GALNT9: variants seen among roughly 807,000 people sequenced by gnomAD.
GALNT9 encodes the protein polypeptide N-acetylgalactosaminyltransferase 9, also known as GalNAc transferase 9.
A neutral mutation model predicts 63.1 loss-of-function variants in GALNT9; 47 were observed. The observed-to-expected ratio is 0.75, with a 90% CI of 0.59 to 0.95. The LOEUF is 0.95. Ranked by LOEUF, GALNT9 falls within the 40% of genes least tolerant of loss-of-function variation. The pLI is 0.00. For missense variants in GALNT9, 829 were observed against 874.8 expected (o/e 0.95, Z 0.66); for synonymous variants, 396 against 365.7 (o/e 1.08, Z -0.94).
At chr12:132,326,067 C>T (rs1555246504) in intron 1 of GALNT9, among the ~76,000 whole-genome samples, 1 of 152,260 alleles carries the variant, frequency 6.6e-6, no homozygotes. Context: ...CTGCAAGCGC[C>T]TAGAGAAAGT....
At chr12:132,264,337 G>C (rs2135546418) in intron 2 of GALNT9, among the ~76,000 whole-genome samples, 1 of 152,356 alleles carries the variant, frequency 6.6e-6, no homozygotes, top group Middle Eastern at 3.4e-3. Context: ...TGCATCCTCT[G>C]CTCTCCGCTC....
intron 1 of GALNT9, among the ~76,000 whole-genome samples, chr12:132,293,597 A>T (rs1450774513): frequency 1.3e-5 from 2 of 152,248 alleles, no homozygotes; most frequent in Admixed American, 6.5e-5. Flanking sequence ...CAAAGCACAA[A>T]AAGCACAAAA....
intron 5 of GALNT9, among the ~76,000 whole-genome samples, chr12:132,249,443 C>G (rs925825738): frequency 6.6e-6 from 1 of 152,204 alleles, no homozygotes; most frequent in Admixed American, 6.5e-5. Flanking sequence ...ATAGCAGGAG[C>G]ATTAAAAAGC....
chr12:132,220,323 T>C (rs1363150936), intron 6 of GALNT9, among the ~76,000 whole-genome samples: 1 of 152,070 alleles, frequency 6.6e-6, no homozygotes, highest in Non-Finnish European at 1.5e-5. Flanking sequence ...TCCAACAAAA[T>C]TGGTGAATTT....
intron 5 of GALNT9, among the ~76,000 whole-genome samples, chr12:132,248,302 G>T (rs1480167173): frequency 6.6e-6 from 1 of 152,206 alleles, no homozygotes; most frequent in Non-Finnish European, 1.5e-5. Flanking sequence ...TCAGCTTAGT[G>T]TAGGAGGTTT....
chr12:132,218,093 AC>A (rs1234833780), intron 6 of GALNT9, among the ~76,000 whole-genome samples: 1 of 150,174 alleles, frequency 6.7e-6, no homozygotes, highest in African/African-American at 2.5e-5. Context: ...CCATCAATCT[AC>A]CCACTCATTT....
chr12:132,285,185 G>A (rs1290973952), intron 2 of GALNT9, among the ~76,000 whole-genome samples: 3 of 152,244 alleles, frequency 2.0e-5, no homozygotes, highest in African/African-American at 7.2e-5. Flanking sequence ...GCTCCAGGAG[G>A]AGGCAAGTGT....
intron 2 of GALNT9, chr12:132,278,109 G>A (rs1555241381): frequency 6.6e-6 from 1 of 151,810 alleles, no homozygotes; most frequent in Admixed American, 6.6e-5. Flanking sequence ...GGGGACAGTA[G>A]GCAGGGGCCA....
At chr12:132,229,588 G>C (rs965807731) in intron 6 of GALNT9, among the ~76,000 whole-genome samples, 20 of 152,300 alleles carry the variant, frequency 1.3e-4, no homozygotes, top group African/African-American at 4.6e-4. Flanking sequence ...ATGAGCACGC[G>C]TGACGGGGAT....
chr12:132,268,633 C>T (rs973713145), intron 2 of GALNT9, among the ~76,000 whole-genome samples: 3 of 152,234 alleles, frequency 2.0e-5, no homozygotes, highest in Non-Finnish European at 4.4e-5. Flanking sequence ...GGAGAAAATA[C>T]TTTCAAAGCA....
At chr12:132,299,158 C>T (rs549177805) in intron 1 of GALNT9, among the ~76,000 whole-genome samples, 1 of 91,294 alleles carries the variant, frequency 1.1e-5, no homozygotes, top group South Asian at 3.5e-4. Context: ...CCACCCCCAA[C>T]ACACCTAACC....
chr12:132,261,873 G>A (rs1879401372), intron 3 of GALNT9, among the ~76,000 whole-genome samples: 1 of 151,896 alleles, frequency 6.6e-6, no homozygotes, highest in African/African-American at 2.4e-5. Flanking sequence ...TACAGGGTGT[G>A]AGTAGCACTG....
rs782356241 is a variant in GALNT9, at chr12:132,319,660, C to A, written c.238+9306G>T. On this transcript the variant is annotated intron_variant, in intron 1 of 10. Coordinates refer to ENST00000328957, the MANE Select transcript of GALNT9 (RefSeq NM_001122636.2). The surrounding 1 kb of genome is among the most constrained non-coding windows in gnomAD (Gnocchi z 5.2). Reference sequence around the variant, plus strand: ...CTAGCTGAGTTTGCTTTTCAACAGGCCTTTCCGTCTGGGGCAGGTCAACAC... The same window carrying A: ...CTAGCTGAGTTTGCTTTTCAACAGGACTTTCCGTCTGGGGCAGGTCAACAC... Among the ~76,000 whole-genome samples, 2 of 152,046 alleles carry A rather than the reference C, an allele frequency of 1.3e-5. No individual in the cohort carries two copies. The highest frequency in any genetic ancestry group is 4.1e-4 in the South Asian group (2 of 4,822).
intron 1 of GALNT9, among the ~76,000 whole-genome samples, chr12:132,321,950 C>A (rs1425336163): frequency 2.0e-5 from 3 of 151,396 alleles, no homozygotes; most frequent in Non-Finnish European, 3.0e-5. Flanking sequence ...CCGCCTCGGC[C>A]CCCTGCACCA....
At chr12:132,262,681 G>A (rs549536620) in intron 2 of GALNT9, 56 bp from the exon 3 acceptor site, 39 of 1,445,992 alleles carry the variant, frequency 2.7e-5, no homozygotes, top group Non-Finnish European at 3.5e-5. Context: ...GACCCCGGAA[G>A]CCATAGCTCA....
intron 9 of GALNT9, among the ~76,000 whole-genome samples, chr12:132,198,456 C>CTGTGCT (rs1291554066): frequency 7.3e-6 from 1 of 137,412 alleles, no homozygotes; most frequent in Non-Finnish European, 1.6e-5. Context: ...GGGCCTGGGC[C>CTGTGCT]TGTGCTGCAG....
At chr12:132,270,507 C>T (rs547202206) in intron 2 of GALNT9, among the ~76,000 whole-genome samples, 2 of 152,360 alleles carry the variant, frequency 1.3e-5, no homozygotes, top group South Asian at 2.1e-4. Context: ...GCTGGCTTCA[C>T]GCGTTAGCTC....
intron 1 of GALNT9, among the ~76,000 whole-genome samples, chr12:132,308,178 T>C (rs901368167): frequency 6.6e-6 from 1 of 152,182 alleles, no homozygotes; most frequent in African/African-American, 2.4e-5. Context: ...CCCCAGGAGC[T>C]GGGAGGGAAG....
At chr12:132,255,840 C>T (rs1879087931) in intron 5 of GALNT9, among the ~76,000 whole-genome samples, 1 of 152,162 alleles carries the variant, frequency 6.6e-6, no homozygotes, top group South Asian at 2.1e-4. Flanking sequence ...CCGCGTGGAC[C>T]CACATGCGCC....
Sources: gnomAD v4.1 joint callset for allele counts (sites outside exome capture counted in the v4.1 genomes callset) on GRCh38, gnomAD v4.1.1 for gene constraint, Gnocchi (gnomAD v3.1) non-coding constraint, MANE v1.5 for transcripts, NCBI Gene and HGNC (gene_info 2026-07-23, HGNC 2026-07-21) for gene names.